The following GTPBP6 variants were observed in gnomAD, a reference collection of about 807,000 sequenced individuals.
GTPBP6 encodes GTP binding protein 6, also known as putative GTP-binding protein 6.
GTPBP6 carries 33 observed loss-of-function variants against 28.9 expected under a neutral mutation model. The ratio of observed to expected loss-of-function variants is 1.14; its 90% CI spans 0.87 to 1.53. GTPBP6 has a LOEUF of 1.53. Among genes scored for constraint, GTPBP6 ranks in the 40% most tolerant of loss-of-function variants. GTPBP6 has a pLI of 0.00. For missense variants in GTPBP6, 507 were observed against 408.3 expected (o/e 1.24, Z -2.08); for synonymous variants, 231 against 192.7 (o/e 1.20, Z -1.65).
intron 5 of GTPBP6, 111 bp from the exon 6 acceptor site, chrX:313,035 C>A: frequency 1.1e-6 from 1 of 893,680 alleles, no homozygotes; most frequent in Non-Finnish European, 1.7e-6. Flanking sequence ...GCTCCAGCAT[C>A]TGGGGGCCCG....
Position 311,637 on chromosome X carries a change from C to A in GTPBP6, c.917-10G>T, listed in dbSNP as rs759913465. 5.8e-5 allele frequency: 93 copies of A among 1,607,406 alleles called. No homozygotes were observed. The highest frequency in any genetic ancestry group is 7.8e-5 in the Non-Finnish European group (92 of 1,175,680). ...ATCAGCGTGGTCTTTCCTAGGAGGG[C>A]GTGGAGGTCAGGGCGCTGCAGAGAT... On this transcript the variant is annotated splice_polypyrimidine_tract_variant and intron_variant, in intron 6 of 9. Transcript: ENST00000326153.
exon 1 of GTPBP6, chrX:318,467 C>A: frequency 2.5e-6 from 1 of 398,576 alleles, no homozygotes; most frequent in Non-Finnish European, 4.4e-6. Flanking sequence ...TCCCCGGGCC[C>A]CACTTGACGT....
At chrX:314,340 C>T (rs756261272) in intron 4 of GTPBP6, 123 bp from the exon 5 acceptor site, 64 of 801,574 alleles carry the variant, frequency 8.0e-5, no homozygotes, top group African/African-American at 1.2e-4. Flanking sequence ...GCCGCTGTTG[C>T]GGCCCCGCTC....
chrX:305,180 G>GC lies in GTPBP6; in HGVS notation c.1444dup (p.Ala482GlyfsTer11), dbSNP rs774591781. On this transcript the variant is annotated frameshift_variant, in exon 10 of 10. Coordinates refer to ENST00000326153, the Ensembl canonical transcript of GTPBP6. LOFTEE classifies it high-confidence loss of function. Reference sequence around the variant, plus strand: ...GATCACGTCCACCTCCTGAACTGTGGCCTCCTTATACAGCCAGCTGGGCAC... The same window carrying GC: ...GATCACGTCCACCTCCTGAACTGTGGCCCTCCTTATACAGCCAGCTGGGCAC... 1 of 1,613,568 alleles carries GC rather than the reference G, an allele frequency of 6.2e-7. No individual in the cohort carries two copies. The highest frequency in any genetic ancestry group is 8.5e-7 in the Non-Finnish European group (1 of 1,179,548).
exon 10 of GTPBP6, chrX:304,827 G>A (rs1270941067): frequency 1.4e-5 from 19 of 1,395,554 alleles, no homozygotes; most frequent in Non-Finnish European, 1.7e-5. Context: ...CAGGCACCGA[G>A]GGCCCACTGG....
chrX:318,294 A>T (rs1414856681), intron 1 of GTPBP6, 145 bp downstream of exon 1: 4 of 371,698 alleles, frequency 1.1e-5, no homozygotes, highest in Non-Finnish European at 1.9e-5. Flanking sequence ...TTCTCCCCAC[A>T]GAACCCCGCC....
intron 2 of GTPBP6, among the ~76,000 whole-genome samples, chrX:315,699 C>CACACACACACACACAA (rs2070421876): frequency 5.0e-5 from 1 of 20,096 alleles, no homozygotes; most frequent in African/African-American, 1.1e-4. Context: ...CACACACACA[C>CACACACACACACACAA]ACACACAGTA....
chrX:314,512 A>T (rs9635646), intron 4 of GTPBP6, among the ~76,000 whole-genome samples: 14 of 149,152 alleles, frequency 9.4e-5, no homozygotes, highest in African/African-American at 2.0e-4. Flanking sequence ...TCGCTCTGTC[A>T]CCCAGGCTGG....
In GTPBP6 at chrX:305,083, A is replaced by T. The variant is rs775938735; in HGVS notation, c.1542T>A (p.Phe514Leu). The stretch of plus-strand genomic sequence containing the variant: ...CTCTGTGGGCGTCCGTTCATCCTGG[A>T]AAGAGCTTCCGGAATTTGCCGTAGG... The change falls in exon 10 of 10, where the codon TTT (phenylalanine) becomes TTA (leucine). Residue 514 changes from phenylalanine to leucine, a missense_variant. Phe to Leu is a conservative substitution (Grantham distance 22). Transcript: ENST00000326153. 24 of 1,613,076 alleles carry T rather than the reference A, an allele frequency of 1.5e-5. No homozygotes were observed. The East Asian group carries it at 1.8e-4, about 12-fold the overall frequency.
intron 9 of GTPBP6, among the ~76,000 whole-genome samples, chrX:306,190 G>A (rs1287325553): frequency 6.6e-6 from 1 of 151,984 alleles, no homozygotes; most frequent in African/African-American, 2.4e-5. Context: ...CCTGTTGTAT[G>A]CAGTCAGAAA....
At chrX:314,704 G>T (rs777324718) in intron 4 of GTPBP6, among the ~76,000 whole-genome samples, 186 bp downstream of exon 4, 2 of 151,836 alleles carry the variant, frequency 1.3e-5, no homozygotes, top group Non-Finnish European at 2.9e-5. Context: ...TCTCGATCTC[G>T]TGACCTCGTG....
At chrX:314,045 A>C (rs2070374027) in intron 5 of GTPBP6, 105 bp downstream of exon 5, 6 of 900,732 alleles carry the variant, frequency 6.7e-6, no homozygotes, top group Admixed American at 5.7e-5. Flanking sequence ...CGGAGACCCC[A>C]GCTGGACCCC....
rs759727471 is a variant in GTPBP6 at position 314,538 on chromosome X, T to C, written c.690-321A>G. 4.5e-3 allele frequency among the ~76,000 whole-genome samples: 690 copies of C among 151,682 alleles called. 10 individuals carry two copies. The highest frequency in any genetic ancestry group is 0.016 in the African/African-American group (667 of 41,340). On this transcript the variant is annotated intron_variant, in intron 4 of 9. Coordinates refer to ENST00000326153, the Ensembl canonical transcript of GTPBP6. ...CCCAGGCTGGAGTGCAGTGGCGTGATCTCGGCTCACTGCAAGCTCCACCTC... is the reference window on the plus strand; with the variant it reads ...CCCAGGCTGGAGTGCAGTGGCGTGACCTCGGCTCACTGCAAGCTCCACCTC...
intron 7 of GTPBP6, among the ~76,000 whole-genome samples, chrX:308,883 C>T (rs1394859565): frequency 1.3e-5 from 2 of 151,930 alleles, no homozygotes; most frequent in Middle Eastern, 3.4e-3. Context: ...CTACAGGCAC[C>T]CGCCACCATG....
intron 5 of GTPBP6, among the ~76,000 whole-genome samples, chrX:313,883 G>C (rs2070367322): frequency 6.6e-6 from 1 of 151,696 alleles, no homozygotes; most frequent in South Asian, 2.1e-4. Context: ...TAAATCCCCA[G>C]TTTGTGGCTA....
intron 6 of GTPBP6, 49 bp from the exon 7 acceptor site, chrX:311,676 C>A: frequency 1.4e-6 from 2 of 1,441,262 alleles, no homozygotes; most frequent in South Asian, 2.3e-5. Context: ...TGCGTCCCAA[C>A]TCCTAGCGCC....
chrX:305,009 A>T, exon 10 of GTPBP6: 1 of 1,589,210 alleles, frequency 6.3e-7, no homozygotes, highest in Non-Finnish European at 8.6e-7. Context: ...CCCCCAACAC[A>T]GCGGTAACGC....
intron 9 of GTPBP6, among the ~76,000 whole-genome samples, chrX:305,745 C>G (rs2070148443): frequency 6.6e-6 from 1 of 150,436 alleles, no homozygotes; most frequent in African/African-American, 2.5e-5. Context: ...CGGCCTTAGC[C>G]TCCCGAGTAG....
intron 6 of GTPBP6, chrX:312,097 G>A (rs1046768573): frequency 1.1e-5 from 5 of 457,900 alleles, no homozygotes; most frequent in African/African-American, 6.0e-5. Context: ...GTAGACAGAT[G>A]GGTGGATTGT....
Sources: gnomAD v4.1 joint callset for allele counts (sites outside exome capture counted in the v4.1 genomes callset) on GRCh38, gnomAD v4.1.1 for gene constraint, MANE v1.5 for transcripts, NCBI Gene and HGNC (gene_info 2026-07-23, HGNC 2026-07-21) for gene names.